The following SYAP1 variants were observed in gnomAD, a reference collection of about 807,000 sequenced individuals.
The protein encoded by SYAP1 is synapse-associated protein 1.
SYAP1 carries 3 observed loss-of-function variants against 29.6 expected under a neutral mutation model. The ratio of observed to expected loss-of-function variants is 0.10; its 90% CI spans 0.05 to 0.26. The LOEUF is 0.26. Ranked by LOEUF, SYAP1 falls within the 10% of genes least tolerant of loss-of-function variation. The probability of loss-of-function intolerance (pLI) is 1.00; values close to 1 mark genes in which losing one functional copy is unlikely to be tolerated. For synonymous variants in SYAP1, 102 were observed against 102.7 expected, an observed-to-expected ratio of 0.99 and a Z score of 0.04; for missense variants, 217 against 264.1, an observed-to-expected ratio of 0.82 and a Z score of 1.24.
At chrX:16,744,537 A>C (rs112811606) in intron 5 of SYAP1, among the ~76,000 whole-genome samples, 1,409 of 112,622 alleles carry the variant, frequency 0.013, 26 homozygotes, top group African/African-American at 0.044. Context: ...GTTCTCTCAA[A>C]AGACTCCTTT....
At chrX:16,730,674 G>A (rs756055883) in intron 1 of SYAP1, among the ~76,000 whole-genome samples, 20 of 112,206 alleles carry the variant, frequency 1.8e-4, no homozygotes, top group Non-Finnish European at 3.2e-4. Flanking sequence ...CATAAATTCC[G>A]TTTCATAAAT....
At position 16,753,555 on chromosome X, in the gene SYAP1, C is replaced by T. The variant is rs1408127251; in HGVS notation, c.576-1390C>T. Among the ~76,000 whole-genome samples the T allele has an allele frequency of 1.3e-4, 15 of 112,075 alleles. No individual in the cohort carries two copies. The Admixed American group carries it at 1.3e-3, about 10-fold the overall frequency. ...ATAGTATTCTTCCTCTGCTCTAACC[C>T]TGGAATCAGCCATTTCCCCAGGGAG... is the stretch of plus-strand genomic sequence containing the variant. On this transcript the variant is annotated intron_variant, in intron 5 of 8. Coordinates refer to ENST00000380155, the MANE Select transcript of SYAP1 (RefSeq NM_032796.4).
intron 5 of SYAP1, among the ~76,000 whole-genome samples, chrX:16,747,196 G>A (rs1347588343): frequency 9.0e-6 from 1 of 111,679 alleles, no homozygotes; most frequent in Non-Finnish European, 1.9e-5. Context: ...CAGTCTTCCT[G>A]CCTCAGCCTC....
intron 5 of SYAP1, among the ~76,000 whole-genome samples, chrX:16,747,912 G>A (rs923477214): frequency 1.8e-5 from 2 of 110,840 alleles, no homozygotes; most frequent in Non-Finnish European, 3.8e-5. Flanking sequence ...GTGAAACCCC[G>A]TGTCTACTAA....
At chrX:16,734,884 A>C (rs1159777529) in intron 1 of SYAP1, among the ~76,000 whole-genome samples, 1 of 107,210 alleles carries the variant, frequency 9.3e-6, no homozygotes, top group Non-Finnish European at 1.9e-5. Context: ...CTGTAGTCCC[A>C]GGTACTCGAG....
intron 5 of SYAP1, among the ~76,000 whole-genome samples, chrX:16,744,692 C>T (rs1569250853): frequency 9.2e-6 from 1 of 108,717 alleles, no homozygotes; most frequent in African/African-American, 3.4e-5. Flanking sequence ...ATTAGCCGGG[C>T]GTGGTGGTGT....
intron 5 of SYAP1, among the ~76,000 whole-genome samples, chrX:16,752,827 A>G (rs1272064992): frequency 9.0e-6 from 1 of 111,232 alleles, no homozygotes; most frequent in Non-Finnish European, 1.9e-5. Context: ...TCCTCTTTGA[A>G]TGTAATTACT....
chrX:16,758,726 A>G (rs1481386934), intron 8 of SYAP1, among the ~76,000 whole-genome samples: 3 of 110,687 alleles, frequency 2.7e-5, no homozygotes, highest in African/African-American at 9.8e-5. Context: ...CTGTCCCCCT[A>G]CAGTACCTAA....
chrX:16,743,650 A>T lies in SYAP1; in HGVS notation c.436-51A>T, dbSNP rs1366473206. The T allele has an allele frequency of 3.4e-5, 39 of 1,152,891 alleles. No individual in the cohort carries two copies. In the Admixed American group the frequency reaches 3.8e-4, roughly 11 times the overall value. On this transcript the variant is annotated intron_variant, in intron 4 of 8. Transcript: ENST00000380155. ...CAAAAAAAAAAAAAAATTGTTATCTATTAATCGCATTTTGTGGAATACCCT... is the reference window on the plus strand; with the variant it reads ...CAAAAAAAAAAAAAAATTGTTATCTTTTAATCGCATTTTGTGGAATACCCT...
chrX:16,747,526 T>C (rs1040966076), intron 5 of SYAP1, among the ~76,000 whole-genome samples: 6 of 112,671 alleles, frequency 5.3e-5, no homozygotes, highest in Non-Finnish European at 9.4e-5. Flanking sequence ...CTGAGGCCTG[T>C]GGCCTGGGGT....
At chrX:16,744,984 C>G (rs1193369060) in intron 5 of SYAP1, among the ~76,000 whole-genome samples, 3 of 112,032 alleles carry the variant, frequency 2.7e-5, no homozygotes, top group Non-Finnish European at 5.6e-5. Context: ...AGACAGACTC[C>G]TTTTTCTATG....
At position 16,719,801 on chromosome X, in the gene SYAP1, C is replaced by T. The variant is rs11553381; in HGVS notation, c.77C>T (p.Pro26Leu). 3.8e-4 allele frequency: 460 copies of T among 1,198,583 alleles called. 6 individuals are homozygous for T. In the East Asian group the frequency reaches 6.0e-3, roughly 16 times the overall value. The change falls in exon 1 of 9, where the codon CCA becomes CTA. Residue 26 changes from proline to leucine, a missense_variant. Pro to Leu is a moderately conservative substitution (Grantham distance 98, BLOSUM62 -3). Coordinates refer to ENST00000380155, the MANE Select transcript of SYAP1 (RefSeq NM_032796.4). ...AGGGQPNGDA[P>L]PEQPSETVAE... ...GGTGGGCAGCCCAATGGAGATGCTC[C>T]ACCCGAGCAGCCGTCCGAGACGGTG...
At chrX:16,746,071 CTTTT>C (rs1272574085) in intron 5 of SYAP1, among the ~76,000 whole-genome samples, 2 of 106,293 alleles carry the variant, frequency 1.9e-5, no homozygotes, top group African/African-American at 6.9e-5. Context: ...TATATGGAAT[CTTTT>C]TTTCTTTGTA....
Position 16,736,229 on chromosome X carries a change from T to A in SYAP1, c.358T>A (p.Ser120Thr). 1 of 1,178,166 alleles carries A rather than the reference T, an allele frequency of 8.5e-7. No individual in the cohort carries two copies. The highest frequency in any genetic ancestry group is 1.2e-6 in the Non-Finnish European group (1 of 865,430). The change falls in exon 3 of 9, where the codon TCA becomes ACA. Residue 120 changes from serine (S) to threonine (T), a missense_variant. Transcript: ENST00000380155. Reference sequence around the variant, plus strand: ...TGTTGAAGAGCAACATACAAAGAAGTCAGGTATGGTATAGGTTTGTCTTAA... The same window carrying A: ...TGTTGAAGAGCAACATACAAAGAAGACAGGTATGGTATAGGTTTGTCTTAA... ...KFVEEQHTKK[S>T]EAAVPPWVDT...
chrX:16,721,326 G>C (rs943130255), intron 1 of SYAP1, among the ~76,000 whole-genome samples: 2 of 109,711 alleles, frequency 1.8e-5, no homozygotes, highest in Non-Finnish European at 3.8e-5. Context: ...CCACCTCCAG[G>C]GTTCAAGTGA....
At chrX:16,721,455 C>T in intron 1 of SYAP1, among the ~76,000 whole-genome samples, 1 of 111,001 alleles carries the variant, frequency 9.0e-6, no homozygotes, top group Non-Finnish European at 1.9e-5. Context: ...TGGGCCCTAA[C>T]GTTTAAAAGT....
chrX:16,725,592 CTT>C (rs990574270), intron 1 of SYAP1, among the ~76,000 whole-genome samples: 1 of 112,385 alleles, frequency 8.9e-6, no homozygotes, highest in Non-Finnish European at 1.9e-5. Flanking sequence ...CTGAAAATCT[CTT>C]GTCATGCTCT....
At position 16,744,463 on chromosome X, in the gene SYAP1, C is replaced by T. The variant is rs766755915; in HGVS notation, c.575+623C>T. 7.1e-5 allele frequency among the ~76,000 whole-genome samples: 8 copies of T among 112,743 alleles called. 1 individual carries two copies. The highest frequency in any genetic ancestry group is 1.5e-4 in the Non-Finnish European group (8 of 53,353). The stretch of plus-strand genomic sequence containing the variant: ...CGTTCCTTCTTATTCTGTCATTGTT[C>T]CCTTTCTCTTAACCTTGTCATATGG... On this transcript the variant is annotated intron_variant, in intron 5 of 8. Coordinates refer to ENST00000380155, the MANE Select transcript of SYAP1 (RefSeq NM_032796.4).
chrX:16,742,598 A>G (rs1020563314), intron 4 of SYAP1, among the ~76,000 whole-genome samples: 1 of 110,689 alleles, frequency 9.0e-6, no homozygotes, highest in Non-Finnish European at 1.9e-5. Context: ...AAAATTTTTA[A>G]TTTAATTTGT....
Sources: gnomAD v4.1 joint callset for allele counts (sites outside exome capture counted in the v4.1 genomes callset) on GRCh38, gnomAD v4.1.1 for gene constraint, MANE v1.5 for transcripts, NCBI Gene and HGNC (gene_info 2026-07-23, HGNC 2026-07-21) for gene names.